CCDC154: variants seen among roughly 807,000 people sequenced by gnomAD.
CCDC154 encodes the protein coiled-coil domain containing 154.
A neutral mutation model predicts 87.5 loss-of-function variants in CCDC154; 91 were observed. The ratio of observed to expected loss-of-function variants is 1.04; its 90% confidence interval spans 0.88 to 1.24. The LOEUF is 1.24. CCDC154 is among the 50% of genes most tolerant of loss of function. CCDC154 has a pLI of 0.00. For missense variants in CCDC154, 903 were observed against 879.2 expected (o/e 1.03, Z -0.34); for synonymous variants, 418 against 400.4 (o/e 1.04, Z -0.52).
chr16:1,434,760 G>A lies in CCDC154; in HGVS notation c.1785C>T (p.Leu595=). The change falls in exon 16 of 17, where the codon CTC becomes CTT. Residue 595 remains leucine (L), a synonymous_variant. Coordinates refer to ENST00000389176, the MANE Select transcript of CCDC154 (RefSeq NM_001143980.3). ...AGACCCGCGGCCTCACCAGGGATGG[G>A]AGCGCCTTCCAGCTGCCCAGCGGCG... ...PRTPLGSWKA[L]PSLVRPRVFI... is the part of the protein sequence containing the mutation. 3 of 1,545,248 alleles carry A rather than the reference G, an allele frequency of 1.9e-6. No homozygotes were observed. Among genetic ancestry groups the A allele is most frequent in the Non-Finnish European group, 2.6e-6 (3 of 1,146,802 alleles).
At chr16:1,443,027 G>A (rs987698834) in intron 4 of CCDC154, 52 bp from the exon 5 acceptor site, 32 of 1,541,352 alleles carry the variant, frequency 2.1e-5, no homozygotes, top group Admixed American at 1.4e-4. Flanking sequence ...GAGCAGCCTC[G>A]GCGGGCTGGG....
Position 1,443,020 on chromosome 16 carries a change from C to A in CCDC154, c.456-45G>T, listed in dbSNP as rs1270917988. On this transcript the variant is annotated intron_variant, in intron 4 of 16. Coordinates refer to ENST00000389176, the MANE Select transcript of CCDC154 (RefSeq NM_001143980.3). ...TCCCGAGAGGCCCAGGCGGGCTGAG[C>A]AGCCTCGGCGGGCTGGGGGTCTGGC... 4 of 1,545,670 alleles carry A rather than the reference C, an allele frequency of 2.6e-6. No homozygotes were observed. In the South Asian group the frequency reaches 4.8e-5, roughly 18 times the overall value.
chr16:1,441,407 G>A (rs1041660507), intron 6 of CCDC154, among the ~76,000 whole-genome samples: 20 of 152,210 alleles, frequency 1.3e-4, no homozygotes, highest in African/African-American at 4.8e-4. Context: ...TGATGCGCAC[G>A]GGAGCTGGCT....
rs779927486 is a variant in CCDC154, at chr16:1,439,125, G to T, written c.677C>A (p.Ala226Asp). 5.2e-6 allele frequency: 8 copies of T among 1,549,774 alleles called. No homozygotes were observed. The East Asian group carries it at 1.2e-4, about 24-fold the overall frequency. The part of the protein sequence containing the change: ...RVDLEVARMQ[A>D]QVTKLGEEVS... ...CTCTTCGCCGAGCTTGGTCACCTGG[G>T]CCTGGGGCGGAGGCACATTGTCCCG... The change falls in exon 7 of 17, where the codon GCC becomes GAC. Residue 226 changes from alanine to aspartate, a missense_variant and splice_region_variant. Transcript: ENST00000389176.
chr16:1,443,751 G>GCGGCGA lies in CCDC154; in HGVS notation c.224+39_224+44dup, dbSNP rs780641502. 9 of 1,304,070 alleles carry GCGGCGA rather than the reference G, an allele frequency of 6.9e-6. No homozygotes were observed. In the South Asian group the frequency reaches 1.1e-4, roughly 16 times the overall value. 80.8% of individuals were successfully genotyped at this position (1,304,070 alleles called of 1,614,324 possible). ...GGTGCCCGCCGTGGAGGCGGAGGCGGCGGCGACGTGGTCCTCCCCCGCCAG... is the reference window on the plus strand; with the variant it reads ...GGTGCCCGCCGTGGAGGCGGAGGCGGCGGCGACGGCGACGTGGTCCTCCCCCGCCAG... On this transcript the variant is annotated intron_variant, in intron 2 of 16. Coordinates refer to ENST00000389176, the MANE Select transcript of CCDC154 (RefSeq NM_001143980.3).
In CCDC154 at chr16:1,434,772, G is replaced by A; in HGVS notation, c.1773C>T (p.Ser591=). 6.5e-7 allele frequency: 1 copy of A among 1,544,100 alleles called. No individual in the cohort carries two copies. The highest frequency in any genetic ancestry group is 1.2e-5 in the South Asian group (1 of 84,000). Residue 591 remains serine (S), a synonymous_variant, in exon 16 of 17, where the codon AGC becomes AGT. Coordinates refer to ENST00000389176, the MANE Select transcript of CCDC154 (RefSeq NM_001143980.3). ...TCACCAGGGATGGGAGCGCCTTCCA[G>A]CTGCCCAGCGGCGTCCGCGGGCCCT... ...SEEGPRTPLG[S]WKALPSLVRP...
intron 6 of CCDC154, among the ~76,000 whole-genome samples, chr16:1,440,524 A>AGAG: frequency 6.6e-6 from 1 of 152,022 alleles, no homozygotes; most frequent in African/African-American, 2.4e-5. Context: ...AGAAGAGAAA[A>AGAG]AAGAAAAGAA....
chr16:1,441,430 C>A (rs2038551033), intron 6 of CCDC154, among the ~76,000 whole-genome samples: 1 of 152,224 alleles, frequency 6.6e-6, no homozygotes, highest in South Asian at 2.1e-4. Flanking sequence ...AGTCCCCGGT[C>A]TCTATTTGTG....
chr16:1,443,158 G>A, intron 4 of CCDC154, 103 bp downstream of exon 4: 2 of 1,427,598 alleles, frequency 1.4e-6, no homozygotes, highest in Non-Finnish European at 1.9e-6. Context: ...CCCCACTCCA[G>A]CGACACCCAG....
rs1223062573 is a variant in CCDC154 at position 1,436,743 on chromosome 16, C to G, written c.1359G>C (p.Val453=). Residue 453 remains valine, a synonymous_variant, in exon 12 of 17, where the codon GTG becomes GTC. Coordinates refer to ENST00000389176, the MANE Select transcript of CCDC154 (RefSeq NM_001143980.3). The part of the protein sequence containing the change: ...LEDLARWRKE[V]TEHLRGVREK... ...CCCGCACCCCTCGCAGGTGTTCGGT[C>G]ACCTCCTTCCGCCACCTGGCCAGGT... 1.3e-6 allele frequency: 2 copies of G among 1,550,354 alleles called. No homozygotes were observed. The highest frequency in any genetic ancestry group is 2.7e-5 in the African/African-American group (2 of 73,060).
chr16:1,437,911 A>T lies in CCDC154; in HGVS notation c.1196T>A (p.Leu399Gln). The change falls in exon 11 of 17, where the codon CTG (leucine) becomes CAG (glutamine). Residue 399 changes from leucine (L) to glutamine (Q), a missense_variant. Coordinates refer to ENST00000389176, the MANE Select transcript of CCDC154 (RefSeq NM_001143980.3). Reference protein sequence around the residue: ...SRALEASVAQLAGQLKELSGH... With the variant: ...SRALEASVAQQAGQLKELSGH... ...ACTCAGCTCCTTTAACTGCCCGGCC[A>T]GCTGCGCCACGGATGCCTCCAGAGC... The T allele has an allele frequency of 6.5e-7, 1 of 1,547,102 alleles. No homozygotes were observed. Among genetic ancestry groups the T allele is most frequent in the South Asian group, 1.2e-5 (1 of 84,052 alleles).
intron 6 of CCDC154, among the ~76,000 whole-genome samples, chr16:1,440,496 A>C (rs550933889): frequency 1.3e-3 from 153 of 119,398 alleles, no homozygotes; most frequent in African/African-American, 4.4e-3. Context: ...GAGAACAGAA[A>C]AGAGAAGAGA....
At chr16:1,435,349 G>C (rs371851179) in intron 14 of CCDC154, 174 bp from the exon 15 acceptor site, 2 of 643,072 alleles carry the variant, frequency 3.1e-6, no homozygotes, top group South Asian at 3.7e-5. Context: ...CTGAGGAAGC[G>C]GCAGCCTGAG....
chr16:1,442,553 A>G lies in CCDC154; in HGVS notation c.552-24T>C, dbSNP rs1355374128. ...GTCTAGAGAAGTCGGCTGTGGTCAC[A>G]CCAGCCCAGCTGGCCGGAGGGCCCA... On this transcript the variant is annotated intron_variant, in intron 5 of 16. Coordinates refer to ENST00000389176, the MANE Select transcript of CCDC154 (RefSeq NM_001143980.3). The G allele has an allele frequency of 7.9e-6, 12 of 1,511,230 alleles. No homozygotes were observed. In the South Asian group the frequency reaches 1.5e-4, roughly 19 times the overall value. The allele number at this position is 1,511,230 out of a possible 1,614,324, so 93.6% of individuals were successfully genotyped here.
chr16:1,438,981 C>A, intron 7 of CCDC154, 38 bp from the exon 8 acceptor site: 6 of 1,549,508 alleles, frequency 3.9e-6, no homozygotes, highest in Non-Finnish European at 5.2e-6. Context: ...AGGTCTGCGT[C>A]TGGGAAGGGG....
intron 11 of CCDC154, chr16:1,437,191 G>T: frequency 3.7e-6 from 1 of 270,982 alleles, no homozygotes; most frequent in Non-Finnish European, 7.1e-6. Flanking sequence ...TTACGCCGCG[G>T]TGGAAGGGGT....
rs1443130648 is a variant in CCDC154 at position 1,443,876 on chromosome 16, C to A, written c.144G>T (p.Arg48Ser). The change falls in exon 2 of 17, where the codon AGG (arginine) becomes AGT (serine). Residue 48 changes from arginine (R) to serine (S), a missense_variant. Coordinates refer to ENST00000389176, the MANE Select transcript of CCDC154 (RefSeq NM_001143980.3). ...TGGATGTCGGATGGCTGGACTCATA[C>A]CTCTCCGAGAGCTCCTCCAGGCTCA... ...EPLSLEELSE[R>S]YESSHPTSTA... is the part of the protein sequence containing the mutation. The A allele has an allele frequency of 2.3e-6, 3 of 1,304,246 alleles. No homozygotes were observed. The highest frequency in any genetic ancestry group is 3.0e-6 in the Non-Finnish European group (3 of 988,954). The allele number at this position is 1,304,246 out of a possible 1,614,324, so 80.8% of individuals were successfully genotyped here.
At position 1,435,247 on chromosome 16, in the gene CCDC154, G is replaced by A. The variant is rs114157435; in HGVS notation, c.1606-72C>T. The stretch of plus-strand genomic sequence containing the variant: ...ATCCTGCTGTCCCCACAGGCACCCC[G>A]ATATCCACTGTTGAGTGCTTACAGC... On this transcript the variant is annotated intron_variant, in intron 14 of 16. Coordinates refer to ENST00000389176, the MANE Select transcript of CCDC154 (RefSeq NM_001143980.3). The A allele has an allele frequency of 2.0e-3, 2,611 of 1,328,776 alleles. 56 individuals carry two copies. The African/African-American group carries it at 0.034, about 17-fold the overall frequency. 82.3% of individuals were successfully genotyped at this position (1,328,776 alleles called of 1,614,324 possible). A position where few individuals can be genotyped will look rare whatever the true frequency, so the allele number is the denominator to read the frequency against.
At chr16:1,439,410 G>T (rs2038531682) in intron 6 of CCDC154, 1 of 457,110 alleles carries the variant, frequency 2.2e-6, no homozygotes, top group Non-Finnish European at 3.9e-6. Flanking sequence ...CCCAGGGAAG[G>T]CCCCCCAGCC....
Sources: gnomAD v4.1 joint callset for allele counts (sites outside exome capture counted in the v4.1 genomes callset) on GRCh38, gnomAD v4.1.1 for gene constraint, MANE v1.5 for transcripts, NCBI Gene and HGNC (gene_info 2026-07-23, HGNC 2026-07-21) for gene names.